The following CHL1 variants were observed in gnomAD, a reference collection of about 807,000 sequenced individuals.
CHL1 encodes the protein neural cell adhesion molecule L1-like protein.
In CHL1, 96 loss-of-function variants were observed where a neutral mutation model predicts 141.9. The ratio of observed to expected loss-of-function variants is 0.68; its 90% CI spans 0.57 to 0.80. The LOEUF (loss-of-function observed/expected upper bound fraction) is 0.80. Among genes scored for constraint, CHL1 ranks in the 30% least tolerant of loss-of-function variants. The probability of loss-of-function intolerance (pLI) is 0.00; values close to 1 mark genes in which losing one functional copy is unlikely to be tolerated. For missense variants in CHL1, 1,820 were observed against 1,457.2 expected, an observed-to-expected ratio of 1.25 and a Z score of -4.05; for synonymous variants, 613 against 502.2, an observed-to-expected ratio of 1.22 and a Z score of -2.95.
chr3:235,389 G>A lies in CHL1; in HGVS notation c.-174-9224G>A, dbSNP rs767082359. Reference sequence around the variant, plus strand: ...AGGACATTAAAAAAAAAGCAAAACCGTATCTACCTCATGGGTTGTAAGGAT... The same window carrying A: ...AGGACATTAAAAAAAAAGCAAAACCATATCTACCTCATGGGTTGTAAGGAT... On this transcript the variant is annotated intron_variant, in intron 1 of 27. Transcript: ENST00000256509. Among the ~76,000 whole-genome samples, 14 of 152,046 alleles carry A rather than the reference G, an allele frequency of 9.2e-5. No homozygotes were observed. The East Asian group carries it at 1.2e-3, about 13-fold the overall frequency.
chr3:281,412 A>G (rs1696640970), intron 2 of CHL1, among the ~76,000 whole-genome samples: 1 of 152,110 alleles, frequency 6.6e-6, no homozygotes, highest in Non-Finnish European at 1.5e-5. Flanking sequence ...ATGATTTACT[A>G]TTGGTAAAGT....
At chr3:321,522 G>A (rs1700565301) in intron 3 of CHL1, among the ~76,000 whole-genome samples, 1 of 152,020 alleles carries the variant, frequency 6.6e-6, no homozygotes, top group Non-Finnish European at 1.5e-5. Flanking sequence ...ATTTCACATT[G>A]TCTTCCGAAT....
intron 2 of CHL1, chr3:309,114 A>G: frequency 6.6e-6 from 1 of 152,348 alleles, no homozygotes; most frequent in Non-Finnish European, 1.5e-5. Context: ...TGCGAGTGCA[A>G]CACTCCCAGC....
At position 342,168 on chromosome 3, in the gene CHL1, TG is replaced by T. The variant is rs1702394834; in HGVS notation, c.679+89del. On this transcript the variant is annotated intron_variant, in intron 7 of 27. Transcript: ENST00000256509. Reference sequence around the variant, plus strand: ...CCTTCTGGCTGAAGCCATTTAAAGCTGGGTTGATATTTTGCACCATTGTGCA... The same window carrying T: ...CCTTCTGGCTGAAGCCATTTAAAGCTGGTTGATATTTTGCACCATTGTGCA... 7.9e-6 allele frequency: 10 copies of T among 1,272,084 alleles called. No individual in the cohort carries two copies. In the South Asian group the frequency reaches 1.3e-4, roughly 17 times the overall value. The allele number at this position is 1,272,084 out of a possible 1,614,324, so 78.8% of individuals were successfully genotyped here.
rs186144718 is a variant in CHL1, at chr3:393,976, A to G, written c.2915-717A>G. Among the ~76,000 whole-genome samples the G allele has an allele frequency of 3.9e-4, 60 of 152,254 alleles. 1 individual carries two copies. In the South Asian group the frequency reaches 0.012, roughly 30 times the overall value. The stretch of plus-strand genomic sequence containing the variant: ...TTATTCTACATTCCTTCTTGCCACT[A>G]ACAGCTGCACTATCTTGGGTGTATT... On this transcript the variant is annotated intron_variant, in intron 23 of 27. Coordinates refer to ENST00000256509, the MANE Select transcript of CHL1 (RefSeq NM_006614.4).
intron 16 of CHL1, among the ~76,000 whole-genome samples, chr3:379,145 G>A (rs1706715459): frequency 1.3e-5 from 2 of 152,094 alleles, no homozygotes; most frequent in South Asian, 4.2e-4. Flanking sequence ...AACAAGGGAG[G>A]TGGTGGTACA....
chr3:254,229 C>A (rs146947767), intron 2 of CHL1, among the ~76,000 whole-genome samples: 2 of 152,172 alleles, frequency 1.3e-5, no homozygotes, highest in Non-Finnish European at 1.5e-5. Flanking sequence ...GGCCCAACAC[C>A]ATCAGCTCAG....
At chr3:257,749 TGTAAA>T (rs1694313546) in intron 2 of CHL1, among the ~76,000 whole-genome samples, 3 of 152,222 alleles carry the variant, frequency 2.0e-5, no homozygotes, top group African/African-American at 7.2e-5. Flanking sequence ...GTATTTTTTA[TGTAAA>T]GTAGTGTTGA....
rs147172259 is a variant in CHL1 at position 314,707 on chromosome 3, T to A, written c.-94-4976T>A. Among the ~76,000 whole-genome samples the A allele has an allele frequency of 2.0e-3, 304 of 152,116 alleles. 1 individual carries two copies. Among genetic ancestry groups the A allele is most frequent in the African/African-American group, 6.9e-3 (287 of 41,512 alleles). On this transcript the variant is annotated intron_variant, in intron 2 of 27. Coordinates refer to ENST00000256509, the MANE Select transcript of CHL1 (RefSeq NM_006614.4). ...TGTCTCTTATCTTCCAACAGGGTAGTGCAGGCTTCTTTTTAAAATAGCTGA... is the reference window on the plus strand; with the variant it reads ...TGTCTCTTATCTTCCAACAGGGTAGAGCAGGCTTCTTTTTAAAATAGCTGA...
At chr3:271,990 G>A (rs1695672840) in intron 2 of CHL1, among the ~76,000 whole-genome samples, 1 of 152,182 alleles carries the variant, frequency 6.6e-6, no homozygotes, top group African/African-American at 2.4e-5. Context: ...GGTGCTGACT[G>A]TAAAATCATA....
At chr3:297,602 G>A (rs9857751) in intron 2 of CHL1, among the ~76,000 whole-genome samples, 6 of 152,068 alleles carry the variant, frequency 3.9e-5, no homozygotes, top group South Asian at 2.1e-4. Flanking sequence ...TTCAAACACC[G>A]TGAAGAGAGA....
At chr3:377,442 A>G (rs1008650873) in intron 15 of CHL1, among the ~76,000 whole-genome samples, 1 of 152,170 alleles carries the variant, frequency 6.6e-6, no homozygotes, top group African/African-American at 2.4e-5. Flanking sequence ...AAGCACTCCA[A>G]TCGAGCCTAT....
chr3:251,341 T>C (rs1693676955), intron 2 of CHL1, among the ~76,000 whole-genome samples: 1 of 152,192 alleles, frequency 6.6e-6, no homozygotes, highest in South Asian at 2.1e-4. Context: ...CAGAAAAATA[T>C]GAGTTCCAGC....
At chr3:303,165 T>G (rs1698912519) in intron 2 of CHL1, among the ~76,000 whole-genome samples, 1 of 152,164 alleles carries the variant, frequency 6.6e-6, no homozygotes, top group Non-Finnish European at 1.5e-5. Context: ...TAGTTTGAAG[T>G]TAGGTAGCGT....
chr3:363,210 T>C lies in CHL1; in HGVS notation c.1419-7T>C, dbSNP rs201287572. 1.2e-4 allele frequency: 196 copies of C among 1,605,320 alleles called. No individual in the cohort carries two copies. Among genetic ancestry groups the C allele is most frequent in the Non-Finnish European group, 1.6e-4 (192 of 1,177,142 alleles). On this transcript the variant is annotated splice_region_variant and splice_polypyrimidine_tract_variant and intron_variant, in intron 13 of 27. Transcript: ENST00000256509. ...CTCAGATGGATGTACGCTTTCTTTG[T>C]CCATAGGCAGAAGGTGGAAGAAGTG...
intron 15 of CHL1, among the ~76,000 whole-genome samples, chr3:371,468 C>T (rs1705624101): frequency 6.6e-6 from 1 of 152,058 alleles, no homozygotes; most frequent in Non-Finnish European, 1.5e-5. Context: ...GTAAATTTTC[C>T]TCCATCCCTT....
chr3:401,839 G>C (rs1159211699), intron 27 of CHL1, 141 bp downstream of exon 27: 2 of 520,634 alleles, frequency 3.8e-6, no homozygotes, highest in Non-Finnish European at 6.5e-6. Flanking sequence ...TGTACAAATA[G>C]GGCCCACTTA....
chr3:329,461 G>A (rs1701272874), intron 5 of CHL1, among the ~76,000 whole-genome samples: 2 of 151,800 alleles, frequency 1.3e-5, no homozygotes, highest in South Asian at 4.2e-4. Context: ...AAGGAATATA[G>A]GTCAAATTTA....
intron 1 of CHL1, among the ~76,000 whole-genome samples, chr3:209,440 A>C (rs1699712819): frequency 6.6e-6 from 1 of 152,330 alleles, no homozygotes; most frequent in African/African-American, 2.4e-5. Flanking sequence ...TAAAATAAAA[A>C]ATAAATTGAC....
Sources: allele counts gnomAD v4.1 joint callset (sites outside exome capture counted in the v4.1 genomes callset), GRCh38; gene constraint gnomAD v4.1.1; transcripts MANE v1.5; gene names NCBI Gene and HGNC (gene_info 2026-07-23, HGNC 2026-07-21).